Variants in ZNF460 observed in about 807,000 individuals in gnomAD.
ZNF460 encodes zinc finger protein 460, also known as zinc finger protein 272.
In ZNF460, 1 loss-of-function variant was observed where a neutral mutation model predicts 8.4. The observed-to-expected ratio is 0.12, with a 90% CI of 0.04 to 0.56. ZNF460 has a LOEUF of 0.56. Among genes scored for constraint, ZNF460 ranks in the 20% least tolerant of loss-of-function variants. The probability of loss-of-function intolerance (pLI) is 0.91; values close to 1 mark genes in which losing one functional copy is unlikely to be tolerated. For synonymous variants in ZNF460, 262 were observed against 259.9 expected, an observed-to-expected ratio of 1.01 and a Z score of -0.08; for missense variants, 477 against 714.8, an observed-to-expected ratio of 0.67 and a Z score of 3.79.
chr19:57,291,719 A>C lies in ZNF460; in HGVS notation c.1178A>C (p.Glu393Ala), dbSNP rs1341366463. Reference sequence around the variant, plus strand: ...GCCCACACTGGAGAAAAGCCTTTTGAGTGCAAAGAATGTGGGAAAGCCTTT... The same window carrying C: ...GCCCACACTGGAGAAAAGCCTTTTGCGTGCAAAGAATGTGGGAAAGCCTTT... ...ERAHTGEKPF[E>A]CKECGKAFSI... Residue 393 changes from glutamate (E) to alanine (A), a missense_variant, in exon 3 of 3, where the codon GAG (glutamate) becomes GCG (alanine). Physicochemically the swap from Glu to Ala is moderately radical, Grantham distance 107 (BLOSUM62 -1). Coordinates refer to ENST00000360338, the MANE Select transcript of ZNF460 (RefSeq NM_006635.4). This position sits in a 1 kb window ranked among gnomAD's most constrained non-coding sequence, Gnocchi z 8.4. 1 of 1,614,176 alleles carries C rather than the reference A, an allele frequency of 6.2e-7. No individual in the cohort carries two copies. Among genetic ancestry groups the C allele is most frequent in the Non-Finnish European group, 8.5e-7 (1 of 1,180,024 alleles).
At chr19:57,280,956 A>G (rs1279517029) in intron 1 of ZNF460, 120 bp downstream of exon 1, 4 of 1,420,676 alleles carry the variant, frequency 2.8e-6, no homozygotes, top group East Asian at 2.5e-5. Flanking sequence ...TTTAAGAGAA[A>G]TGGCCGTGGC....
chr19:57,284,811 C>CTT (rs1478009417), intron 2 of ZNF460, 134 bp downstream of exon 2: 10 of 805,762 alleles, frequency 1.2e-5, no homozygotes, highest in South Asian at 9.1e-5. Flanking sequence ...AAGCTTTACT[C>CTT]TATTTTTTTT....
At position 57,291,276 on chromosome 19, in the gene ZNF460, T is replaced by G; in HGVS notation, c.735T>G (p.Thr245=). ...CACACCTCACACGGCACCAGCGGACTCACAATGGAGATAAGCCCTTTGTGT... is the reference window on the plus strand; with the variant it reads ...CACACCTCACACGGCACCAGCGGACGCACAATGGAGATAAGCCCTTTGTGT... ...RRSHLTRHQR[T]HNGDKPFVCS... is the part of the protein sequence containing the mutation. Residue 245 remains threonine (T), a synonymous_variant, in exon 3 of 3, where the codon ACT becomes ACG. Transcript: ENST00000360338. The surrounding 1 kb of genome is among the most constrained non-coding windows in gnomAD (Gnocchi z 8.4). 1.2e-6 allele frequency: 2 copies of G among 1,613,840 alleles called. No individual in the cohort carries two copies. The highest frequency in any genetic ancestry group is 1.7e-6 in the Non-Finnish European group (2 of 1,179,966).
rs191231254 is a variant in ZNF460, at chr19:57,291,165, C to T, written c.624C>T (p.Ser208=). 5.4e-5 allele frequency: 87 copies of T among 1,614,020 alleles called. 2 individuals are homozygous for T. The South Asian group carries it at 9.2e-4, about 17-fold the overall frequency. Residue 208 remains serine (S), a synonymous_variant, in exon 3 of 3, where the codon AGC becomes AGT. Transcript: ENST00000360338. The surrounding 1 kb of genome is among the most constrained non-coding windows in gnomAD (Gnocchi z 8.4). ...AATGTGGGAAAGCCTTCGGCAAGAG[C>T]AAACACCTCCTTCAGCATCACATCA... is the stretch of plus-strand genomic sequence containing the variant. ...CPECGKAFGK[S]KHLLQHHIIH...
At chr19:57,287,198 G>A (rs1185664424) in intron 2 of ZNF460, among the ~76,000 whole-genome samples, 1 of 152,132 alleles carries the variant, frequency 6.6e-6, no homozygotes, top group African/African-American at 2.4e-5. Flanking sequence ...TGATCATCAT[G>A]TCTGTGTTAT....
At chr19:57,288,056 C>G (rs927559168) in intron 2 of ZNF460, among the ~76,000 whole-genome samples, 1 of 152,130 alleles carries the variant, frequency 6.6e-6, no homozygotes, top group Non-Finnish European at 1.5e-5. Flanking sequence ...GTAGGTTTCT[C>G]TATATCACAG....
chr19:57,282,184 T>A (rs1015288406), intron 1 of ZNF460, among the ~76,000 whole-genome samples: 2 of 152,212 alleles, frequency 1.3e-5, no homozygotes, highest in Non-Finnish European at 2.9e-5. Flanking sequence ...GGGACCTGTG[T>A]GGCTTCCACG....
Position 57,280,691 on chromosome 19 carries a change from G to A in ZNF460, c.-116G>A. 2.0e-6 allele frequency: 3 copies of A among 1,467,012 alleles called. No individual in the cohort carries two copies. The highest frequency in any genetic ancestry group is 2.8e-6 in the Non-Finnish European group (3 of 1,077,308). The allele number at this position is 1,467,012 out of a possible 1,614,324, so 90.9% of individuals were successfully genotyped here. The stretch of plus-strand genomic sequence containing the variant: ...CCTCAGCCCCGACGCTGCGCCTTGG[G>A]CCTTGTGCGCATTTTTTTCGGGGGA... On this transcript the variant is annotated 5_prime_UTR_variant, in exon 1 of 3. Coordinates refer to ENST00000360338, the MANE Select transcript of ZNF460 (RefSeq NM_006635.4).
intron 2 of ZNF460, among the ~76,000 whole-genome samples, chr19:57,289,260 C>G (rs2087899581): frequency 6.6e-6 from 1 of 152,088 alleles, no homozygotes; most frequent in Non-Finnish European, 1.5e-5. Context: ...GGAGCTCTGT[C>G]CTAAGAGTAG....
intron 1 of ZNF460, 141 bp downstream of exon 1, chr19:57,280,977 C>A: frequency 7.9e-7 from 1 of 1,260,100 alleles, no homozygotes; most frequent in South Asian, 1.3e-5. Context: ...TTGTCATTTC[C>A]TTTATCCGCA....
At chr19:57,281,722 C>G (rs903670047) in intron 1 of ZNF460, among the ~76,000 whole-genome samples, 2 of 151,848 alleles carry the variant, frequency 1.3e-5, no homozygotes, top group Non-Finnish European at 2.9e-5. Context: ...TGCGCCACCA[C>G]GCCTGGCTAA....
rs2087914197 is a variant in ZNF460, at chr19:57,291,072, T to G, written c.531T>G (p.Phe177Leu). ...GENSYKFEEM[F>L]NENCFLVQHE... The stretch of plus-strand genomic sequence containing the variant: ...ATTCCTATAAATTCGAGGAAATGTT[T>G]AATGAGAATTGCTTCCTTGTTCAGC... The change falls in exon 3 of 3, where the codon TTT (phenylalanine) becomes TTG (leucine). Residue 177 changes from phenylalanine to leucine, a missense_variant. Coordinates refer to ENST00000360338, the MANE Select transcript of ZNF460 (RefSeq NM_006635.4). This position sits in a 1 kb window ranked among gnomAD's most constrained non-coding sequence, Gnocchi z 8.4. 25 of 1,614,240 alleles carry G rather than the reference T, an allele frequency of 1.5e-5. No homozygotes were observed. The highest frequency in any genetic ancestry group is 2.1e-5 in the Non-Finnish European group (25 of 1,180,046).
Position 57,294,060 on chromosome 19 carries a change from C to G in ZNF460, c.*1830C>G, listed in dbSNP as rs1288229996. On this transcript the variant is annotated 3_prime_UTR_variant, in exon 3 of 3. Transcript: ENST00000360338. ...CTTCAATAAACATAGGAGTGTAGAT[C>G]TCTCTTTGACGTATAGATATATTTG... 6.6e-6 allele frequency: 1 copy of G among 152,068 alleles called. No homozygotes were observed. The highest frequency in any genetic ancestry group is 1.5e-5 in the Non-Finnish European group (1 of 68,016). 9.4% of individuals were successfully genotyped at this position (152,068 alleles called of 1,614,324 possible).
In ZNF460 at chr19:57,292,784, G is replaced by A. The variant is rs1320759087; in HGVS notation, c.*554G>A. 3 of 152,728 alleles carry A rather than the reference G, an allele frequency of 2.0e-5. No individual in the cohort carries two copies. The highest frequency in any genetic ancestry group is 4.4e-5 in the Non-Finnish European group (3 of 68,468). The allele number at this position is 152,728 out of a possible 1,614,324, so 9.5% of individuals were successfully genotyped here. ...TGCTGTCCAGTGCTGTAGACAAACG[G>A]TTTGTTTGAAAACATTTTGTGAAAG... On this transcript the variant is annotated 3_prime_UTR_variant, in exon 3 of 3. Transcript: ENST00000360338.
At chr19:57,284,282 G>C (rs929489281) in intron 1 of ZNF460, among the ~76,000 whole-genome samples, 1 of 151,288 alleles carries the variant, frequency 6.6e-6, no homozygotes, top group African/African-American at 2.4e-5. Context: ...CTGGAGTGCA[G>C]TGGCACGATC....
chr19:57,289,636 C>T (rs182817224), intron 2 of ZNF460, among the ~76,000 whole-genome samples: 1 of 152,170 alleles, frequency 6.6e-6, no homozygotes, highest in African/African-American at 2.4e-5. Context: ...CTCATCTTGA[C>T]TGTGAGTGGG....
chr19:57,283,685 A>G lies in ZNF460; in HGVS notation c.31-866A>G, dbSNP rs1048483897. ...CCTGGCTAATTTTTGTATTTTTAGT[A>G]GAGATGGGGTCTCACCATGTTGGCC... On this transcript the variant is annotated intron_variant, in intron 1 of 2. Coordinates refer to ENST00000360338, the MANE Select transcript of ZNF460 (RefSeq NM_006635.4). Among the ~76,000 whole-genome samples the G allele has an allele frequency of 4.6e-5, 7 of 151,118 alleles. No homozygotes were observed. The East Asian group carries it at 1.4e-3, about 30-fold the overall frequency.
Position 57,282,052 on chromosome 19 carries a change from C to A in ZNF460, c.30+1216C>A, listed in dbSNP as rs570498702. 3 of 152,298 alleles carry A rather than the reference C, an allele frequency of 2.0e-5. No homozygotes were observed. In the East Asian group the frequency reaches 5.8e-4, roughly 29 times the overall value. The allele number at this position is 152,298 out of a possible 1,614,324, so 9.4% of individuals were successfully genotyped here. ...GGCCTGGGGGTGAGACCTAAAGTAACCTTTGCAAGATGAGGCCTCCTTCTA... is the reference window on the plus strand; with the variant it reads ...GGCCTGGGGGTGAGACCTAAAGTAAACTTTGCAAGATGAGGCCTCCTTCTA... On this transcript the variant is annotated intron_variant, in intron 1 of 2. Coordinates refer to ENST00000360338, the MANE Select transcript of ZNF460 (RefSeq NM_006635.4).
At chr19:57,290,581 C>T (rs2087909651) in intron 2 of ZNF460, 118 bp from the exon 3 acceptor site, 2 of 1,057,944 alleles carry the variant, frequency 1.9e-6, no homozygotes, top group South Asian at 1.7e-5. Flanking sequence ...CCCAGCCCAT[C>T]AAATCATAGC....
Sources: gnomAD v4.1 joint callset for allele counts (sites outside exome capture counted in the v4.1 genomes callset) on GRCh38, gnomAD v4.1.1 for gene constraint, Gnocchi (gnomAD v3.1) non-coding constraint, MANE v1.5 for transcripts, NCBI Gene and HGNC (gene_info 2026-07-23, HGNC 2026-07-21) for gene names.